Variants in MARK3 observed in about 807,000 individuals in gnomAD.
The protein encoded by MARK3 is MAP/microtubule affinity-regulating kinase 3.
In MARK3, 46 loss-of-function variants were observed where a neutral mutation model predicts 90.1. That is an observed-to-expected ratio of 0.51 (90% CI 0.40 to 0.65). The LOEUF (loss-of-function observed/expected upper bound fraction) is 0.65, where lower values mean the gene tolerates loss of function less well. MARK3 is among the 30% of genes least tolerant of loss of function. The pLI is 0.00. For synonymous variants in MARK3, 321 were observed against 332.6 expected (o/e 0.97, Z 0.38); for missense variants, 818 against 947.2 (o/e 0.86, Z 1.79).
intron 17 of MARK3, among the ~76,000 whole-genome samples, chr14:103,500,571 A>G (rs2075606702): frequency 6.6e-6 from 1 of 152,120 alleles, no homozygotes; most frequent in Non-Finnish European, 1.5e-5. Flanking sequence ...GAATGTCCAT[A>G]TTTCAAACTA....
chr14:103,491,255 A>G (rs935862665), intron 14 of MARK3: 12 of 440,922 alleles, frequency 2.7e-5, no homozygotes, highest in Non-Finnish European at 3.6e-5. Context: ...ATCTTTTGTC[A>G]TGATGTCCTC....
At chr14:103,477,728 A>G (rs1022343841) in intron 13 of MARK3, among the ~76,000 whole-genome samples, 3 of 151,856 alleles carry the variant, frequency 2.0e-5, no homozygotes, top group Non-Finnish European at 4.4e-5. Flanking sequence ...GCTAACCCCT[A>G]TAATCTCAGC....
In MARK3 at chr14:103,503,087, G is replaced by C. The variant is rs755385444; in HGVS notation, c.2122G>C (p.Glu708Gln). 1.9e-6 allele frequency: 3 copies of C among 1,614,212 alleles called. No homozygotes were observed. Among genetic ancestry groups the C allele is most frequent in the Non-Finnish European group, 1.7e-6 (2 of 1,180,048 alleles). Residue 708 changes from glutamate to glutamine, a missense_variant, in exon 18 of 18, where the codon GAG becomes CAG. Physicochemically the swap from Glu to Gln is conservative, Grantham distance 29 (BLOSUM62 2). Coordinates refer to ENST00000429436, the MANE Select transcript of MARK3 (RefSeq NM_001128918.3). ...CTGCGTCCACGGAGATGGGCACGCG[G>C]AGAACCTCGTGCAGTGGGAAATGGA... ...LFCVHGDGHA[E>Q]NLVQWEMEVC...
chr14:103,493,258 A>ATTTTTTTTT (rs10678432), intron 15 of MARK3, among the ~76,000 whole-genome samples: 1 of 105,374 alleles, frequency 9.5e-6, no homozygotes, highest in Non-Finnish European at 1.8e-5. Flanking sequence ...TTTTTTTTTA[A>ATTTTTTTTT]TTTTTTTTTT....
chr14:103,449,005 A>G (rs2093064892), intron 4 of MARK3, 38 bp downstream of exon 4: 10 of 1,534,868 alleles, frequency 6.5e-6, no homozygotes, highest in Non-Finnish European at 8.9e-6. Flanking sequence ...GGGTCTAAAT[A>G]CGTACTTGAA....
chr14:103,489,055 A>G (rs1318991722), intron 14 of MARK3, among the ~76,000 whole-genome samples: 1 of 152,130 alleles, frequency 6.6e-6, no homozygotes, highest in Non-Finnish European at 1.5e-5. Flanking sequence ...GTTTTCAGGG[A>G]CCTCCAGCAG....
Position 103,465,566 on chromosome 14 carries a change from C to T in MARK3, c.550C>T (p.Leu184=). 1 of 1,611,424 alleles carries T rather than the reference C, an allele frequency of 6.2e-7. No homozygotes were observed. The change falls in exon 8 of 18, where the codon CTA becomes TTA. Residue 184 remains leucine (L), a synonymous_variant. Transcript: ENST00000429436. The part of the protein sequence containing the change: ...IVHRDLKAEN[L]LLDADMNIKI... ...GATGTTTTCCCTCTAGGCTGAAAAT[C>T]TATTGTTAGATGCCGATATGAACAT...
At chr14:103,463,532 C>T (rs551176156) in intron 7 of MARK3, among the ~76,000 whole-genome samples, 1 of 152,262 alleles carries the variant, frequency 6.6e-6, no homozygotes, top group African/African-American at 2.4e-5. Flanking sequence ...TCTGATGTCC[C>T]TCAAGTACCT....
At chr14:103,443,660 T>C (rs1331891035) in intron 3 of MARK3, among the ~76,000 whole-genome samples, 2 of 152,150 alleles carry the variant, frequency 1.3e-5, no homozygotes, top group Non-Finnish European at 1.5e-5. Flanking sequence ...GTCTTTAAAA[T>C]AGGTTACCTA....
At chr14:103,442,528 C>T (rs2092884913) in intron 3 of MARK3, among the ~76,000 whole-genome samples, 1 of 141,786 alleles carries the variant, frequency 7.1e-6, no homozygotes, top group Admixed American at 7.0e-5. Flanking sequence ...TTGGGCAATA[C>T]ATAACATTTG....
At chr14:103,392,917 C>G (rs1175457343) in intron 1 of MARK3, among the ~76,000 whole-genome samples, 2 of 151,564 alleles carry the variant, frequency 1.3e-5, no homozygotes, top group Non-Finnish European at 2.9e-5. Flanking sequence ...TCAAGCGATT[C>G]TCCTGCCTCA....
chr14:103,503,144 G>C lies in MARK3; in HGVS notation c.2179G>C (p.Gly727Arg). ...VCKLPRLSLN[G>R]VRFKRISGTS... ...CAAGCTGCCAAGACTGTCTCTGAAC[G>C]GGGTCCGGTTTAAGCGGATATCGGG... The change falls in exon 18 of 18, where the codon GGG becomes CGG. Residue 727 changes from glycine to arginine, a missense_variant. Physicochemically the swap from Gly to Arg is moderately radical, Grantham distance 125. This residue lies in a region of MARK3 where 560 missense variants were observed against 613.5 expected (regional missense o/e 0.91). Coordinates refer to ENST00000429436, the MANE Select transcript of MARK3 (RefSeq NM_001128918.3). The C allele has an allele frequency of 1.2e-6, 2 of 1,614,196 alleles. No homozygotes were observed. The highest frequency in any genetic ancestry group is 1.7e-6 in the Non-Finnish European group (2 of 1,180,044).
intron 12 of MARK3, among the ~76,000 whole-genome samples, chr14:103,468,730 G>A (rs2093566683): frequency 6.6e-6 from 1 of 150,754 alleles, no homozygotes; most frequent in South Asian, 2.1e-4. Flanking sequence ...ATAAAGCTTA[G>A]TTGAGTGGAA....
chr14:103,442,942 T>TGGGCC, intron 3 of MARK3, among the ~76,000 whole-genome samples: 1 of 103,738 alleles, frequency 9.6e-6, no homozygotes, highest in African/African-American at 3.6e-5. Flanking sequence ...TTGGTGGGTG[T>TGGGCC]CCCCCCCCCT....
intron 7 of MARK3, among the ~76,000 whole-genome samples, chr14:103,462,720 T>G (rs2403175): frequency 0.96 from 146,807 of 152,198 alleles, 70,979 homozygotes; most frequent in Non-Finnish European, 0.99. Flanking sequence ...CAAACAAATG[T>G]GGGCCTCCAG....
chr14:103,419,046 T>C (rs2092087289), intron 2 of MARK3, among the ~76,000 whole-genome samples: 1 of 152,090 alleles, frequency 6.6e-6, no homozygotes, highest in Admixed American at 6.6e-5. Flanking sequence ...CCCAGCACTT[T>C]GGGAGGCTGA....
At chr14:103,418,219 CTTTTTTTTT>C (rs36012703) in intron 2 of MARK3, among the ~76,000 whole-genome samples, 2 of 61,654 alleles carry the variant, frequency 3.2e-5, no homozygotes, top group Non-Finnish European at 6.3e-5. Flanking sequence ...ATAGTAAAGG[CTTTTTTTTT>C]TTTTTTTTTT....
intron 6 of MARK3, among the ~76,000 whole-genome samples, chr14:103,458,541 C>T (rs1254577102): frequency 1.4e-5 from 2 of 141,828 alleles, no homozygotes; most frequent in Admixed American, 7.0e-5. Context: ...ACTTTATTTA[C>T]AAAAACAGGG....
intron 7 of MARK3, among the ~76,000 whole-genome samples, chr14:103,465,042 A>G (rs1434127540): frequency 1.3e-5 from 2 of 152,138 alleles, no homozygotes; most frequent in Admixed American, 6.5e-5. Context: ...ATCTTGGCTC[A>G]CTGCAACCTC....
Sources: gnomAD v4.1 joint callset for allele counts (sites outside exome capture counted in the v4.1 genomes callset) on GRCh38, gnomAD v4.1.1 for gene constraint, gnomAD v4.1.1 regional missense constraint, MANE v1.5 for transcripts, NCBI Gene and HGNC (gene_info 2026-07-23, HGNC 2026-07-21) for gene names.